DMD: variants seen among roughly 807,000 people sequenced by gnomAD.
DMD encodes the protein mutant dystrophin.
A neutral mutation model predicts 330.1 loss-of-function variants in DMD; 63 were observed. That is an observed-to-expected ratio of 0.19 (90% confidence interval 0.16 to 0.24). The LOEUF (loss-of-function observed/expected upper bound fraction) is 0.24. Among genes scored for constraint, DMD ranks in the 10% least tolerant of loss-of-function variants. The pLI is 1.00. For missense variants in DMD, 3,344 were observed against 2,684.1 expected, an observed-to-expected ratio of 1.25 and a Z score of -5.43; for synonymous variants, 1,223 against 959.8, an observed-to-expected ratio of 1.27 and a Z score of -5.07.
chrX:32,490,896 C>T (rs1483493081), intron 20 of DMD, among the ~76,000 whole-genome samples: 2 of 111,898 alleles, frequency 1.8e-5, no homozygotes, highest in Non-Finnish European at 3.8e-5. Flanking sequence ...GTTGTTGACC[C>T]GTGTTTCTAA....
rs558271261 is a variant in DMD, at chrX:31,874,020, A to G, written c.7098+1168T>C. Among the ~76,000 whole-genome samples the G allele has an allele frequency of 1.1e-4, 12 of 111,910 alleles. No homozygotes were observed. The East Asian group carries it at 3.1e-3, about 29-fold the overall frequency. On this transcript the variant is annotated intron_variant, in intron 48 of 78. Transcript: ENST00000357033. ...ACTCAAAGAACAGTGCAGATGTGTA[A>G]TGAAATACTCAGGTGTATAAAATTT...
chrX:33,040,679 C>T (rs1262890369), intron 1 of DMD, among the ~76,000 whole-genome samples: 2 of 111,067 alleles, frequency 1.8e-5, no homozygotes, highest in Non-Finnish European at 1.9e-5. Flanking sequence ...CTGACTCAAA[C>T]CCCATACTAG....
intron 12 of DMD, among the ~76,000 whole-genome samples, chrX:32,611,958 G>A (rs1414211883): frequency 8.9e-6 from 1 of 112,037 alleles, no homozygotes; most frequent in Admixed American, 9.5e-5. Flanking sequence ...TGACAATTTA[G>A]TTAGTGGTAG....
At chrX:33,071,987 A>G (rs759741272) in intron 1 of DMD, among the ~76,000 whole-genome samples, 1 of 112,504 alleles carries the variant, frequency 8.9e-6, no homozygotes, top group Non-Finnish European at 1.9e-5. Context: ...ACAATCACAG[A>G]TTCTATTTAG....
At chrX:31,694,537 C>T (rs2083315385) in intron 52 of DMD, among the ~76,000 whole-genome samples, 1 of 103,124 alleles carries the variant, frequency 9.7e-6, no homozygotes, top group African/African-American at 3.5e-5. Context: ...ACTCAAGCTA[C>T]TCAATAACAA....
At chrX:32,205,602 C>A (rs902192888) in intron 44 of DMD, among the ~76,000 whole-genome samples, 1 of 111,627 alleles carries the variant, frequency 9.0e-6, no homozygotes, top group South Asian at 3.8e-4. Context: ...TCAATTTCAG[C>A]AAACCTTGGA....
chrX:32,074,337 G>A (rs1424268971), intron 44 of DMD, among the ~76,000 whole-genome samples: 3 of 111,402 alleles, frequency 2.7e-5, no homozygotes, highest in Non-Finnish European at 5.6e-5. Context: ...AAGAAACGGC[G>A]TTTACTATGC....
At position 33,249,808 on chromosome X, in the gene DMD, G is replaced by T. The variant is rs192280651; in HGVS notation, c.7+89451C>A. Among the ~76,000 whole-genome samples the T allele has an allele frequency of 4.5e-3, 492 of 109,559 alleles. 3 individuals carry two copies. The highest frequency in any genetic ancestry group is 0.016 in the African/African-American group (468 of 29,949). On this transcript the variant is annotated intron_variant, in intron 1 of 17. Transcript: ENST00000288447. ...TAAACACACACATATTATTCCTAAA[G>T]ACTAAAATTTTATTTTCAATATGTT...
chrX:32,768,131 ATTAAT>A (rs1339452890), intron 7 of DMD, among the ~76,000 whole-genome samples: 1 of 112,117 alleles, frequency 8.9e-6, no homozygotes, highest in Non-Finnish European at 1.9e-5. Context: ...ATGACAGTTT[ATTAAT>A]TTTATTTATA....
chrX:31,186,546 G>A (rs1392336322), intron 67 of DMD, among the ~76,000 whole-genome samples: 1 of 111,261 alleles, frequency 9.0e-6, no homozygotes, highest in Non-Finnish European at 1.9e-5. Flanking sequence ...AATAACTAAT[G>A]GGTATTAGGC....
intron 1 of DMD, among the ~76,000 whole-genome samples, chrX:33,301,888 T>C (rs2053668748): frequency 2.7e-5 from 3 of 112,035 alleles, no homozygotes; most frequent in African/African-American, 9.7e-5. Flanking sequence ...ATGAATTATG[T>C]AGGACACATT....
intron 9 of DMD, among the ~76,000 whole-genome samples, chrX:32,655,271 A>T (rs1310038615): frequency 2.7e-5 from 3 of 112,276 alleles, no homozygotes; most frequent in Non-Finnish European, 5.6e-5. Context: ...TCTTGTGGGC[A>T]TTCAGTGCTA....
At chrX:32,422,302 C>A (rs921606495) in intron 29 of DMD, among the ~76,000 whole-genome samples, 2 of 111,380 alleles carry the variant, frequency 1.8e-5, no homozygotes, top group Admixed American at 1.9e-4. Context: ...CAGTTCTCAG[C>A]CTCAATTAAA....
chrX:32,543,912 T>G (rs989034983), intron 17 of DMD, among the ~76,000 whole-genome samples: 1 of 112,478 alleles, frequency 8.9e-6, no homozygotes, highest in East Asian at 2.8e-4. Flanking sequence ...AAAGTAATCA[T>G]AAGTGATAAA....
chrX:32,903,204 A>T (rs1455971515), intron 2 of DMD, among the ~76,000 whole-genome samples: 5 of 65,836 alleles, frequency 7.6e-5, no homozygotes, highest in Non-Finnish European at 1.5e-4. Flanking sequence ...TCAGCAACTA[A>T]AAGGATTAAG....
chrX:33,035,405 T>C (rs2094188131), intron 1 of DMD, among the ~76,000 whole-genome samples: 1 of 111,527 alleles, frequency 9.0e-6, no homozygotes, highest in African/African-American at 3.3e-5. Flanking sequence ...CTCTTAGATA[T>C]TACTCTTCAG....
intron 51 of DMD, among the ~76,000 whole-genome samples, chrX:31,770,166 T>C (rs2090253062): frequency 8.9e-6 from 1 of 112,614 alleles, no homozygotes; most frequent in African/African-American, 3.2e-5. Flanking sequence ...TTACAGCACA[T>C]TTACTTTCTG....
chrX:32,344,376 G>A (rs1409229332), intron 39 of DMD, among the ~76,000 whole-genome samples: 1 of 111,914 alleles, frequency 8.9e-6, no homozygotes, highest in East Asian at 2.8e-4. Flanking sequence ...TGTTGGTATA[G>A]ATTGGTTTGG....
chrX:32,215,488 G>A lies in DMD; in HGVS notation c.6438+1428C>T, dbSNP rs765416154. Among the ~76,000 whole-genome samples, 4 of 111,510 alleles carry A rather than the reference G, an allele frequency of 3.6e-5. No individual in the cohort carries two copies. The South Asian group carries it at 1.1e-3, about 31-fold the overall frequency. On this transcript the variant is annotated intron_variant, in intron 44 of 78. Coordinates refer to ENST00000357033, the MANE Select transcript of DMD (RefSeq NM_004006.3). ...AATGGCTTTCCAAGAAACCCAGCCT[G>A]AAATATGTAGCAAAATTCATACTGA...
Sources: gnomAD v4.1 joint callset for allele counts (sites outside exome capture counted in the v4.1 genomes callset) on GRCh38, gnomAD v4.1.1 for gene constraint, MANE v1.5 for transcripts, NCBI Gene and HGNC (gene_info 2026-07-23, HGNC 2026-07-21) for gene names.